Variants in NPSR1 observed in about 807,000 individuals in gnomAD.
NPSR1 encodes neuropeptide S receptor.
In NPSR1, 48 loss-of-function variants were observed where a neutral mutation model predicts 46.9. The observed-to-expected ratio is 1.02, with a 90% CI of 0.81 to 1.30. The LOEUF (loss-of-function observed/expected upper bound fraction) is 1.30, where lower values mean the gene tolerates loss of function less well. Ranked by LOEUF, NPSR1 falls within the 50% of genes most tolerant of loss-of-function variation. The pLI is 0.00. For missense variants in NPSR1, 450 were observed against 449.5 expected, an observed-to-expected ratio of 1.00 and a Z score of -0.01; for synonymous variants, 176 against 168.1, an observed-to-expected ratio of 1.05 and a Z score of -0.36.
rs765802310 is a variant in NPSR1 at position 34,778,450 on chromosome 7, C to T, written c.281-12C>T. 2.2e-5 allele frequency: 32 copies of T among 1,487,784 alleles called. No individual in the cohort carries two copies. The highest frequency in any genetic ancestry group is 1.0e-4 in the South Asian group (9 of 86,706). The allele number at this position is 1,487,784 out of a possible 1,614,324, so 92.2% of individuals were successfully genotyped here. On this transcript the variant is annotated splice_polypyrimidine_tract_variant and intron_variant, in intron 2 of 8. Transcript: ENST00000360581. ...TAAACCCTGAATGTAAGCACTTGTA[C>T]GTTTTTGTTAGATTCTTTCACAGGA...
At chr7:34,773,448 G>A (rs1786784917) in intron 2 of NPSR1, among the ~76,000 whole-genome samples, 1 of 152,048 alleles carries the variant, frequency 6.6e-6, no homozygotes, top group Admixed American at 6.6e-5. Context: ...TAATCTAAAA[G>A]CCCCCAGATA....
chr7:34,678,911 GAAGT>G (rs1475217499), intron 1 of NPSR1, among the ~76,000 whole-genome samples: 1 of 151,780 alleles, frequency 6.6e-6, no homozygotes, highest in African/African-American at 2.4e-5. Flanking sequence ...CCCGAAAAGA[GAAGT>G]ATGTTATACT....
intron 1 of NPSR1, among the ~76,000 whole-genome samples, chr7:34,663,067 C>CTCTCTCTCTCTCTCTCTGTGTGTGTG (rs35826710): frequency 8.0e-5 from 8 of 99,412 alleles, no homozygotes; most frequent in South Asian, 6.1e-4. Context: ...CTCTCTCTCT[C>CTCTCTCTCTCTCTCTCTGTGTGTGTG]TGTGTGTGTG....
intron 3 of NPSR1, among the ~76,000 whole-genome samples, chr7:34,788,517 T>C (rs933155433): frequency 2.0e-5 from 3 of 152,190 alleles, no homozygotes; most frequent in African/African-American, 4.8e-5. Flanking sequence ...GTTGCTACAT[T>C]TACATCACAT....
At chr7:34,825,030 C>G in intron 4 of NPSR1, among the ~76,000 whole-genome samples, 1 of 152,172 alleles carries the variant, frequency 6.6e-6, no homozygotes, top group South Asian at 2.1e-4. Flanking sequence ...TGGGAGGCTC[C>G]CTCCACCTCC....
At chr7:34,818,595 G>C (rs1789376257) in intron 4 of NPSR1, among the ~76,000 whole-genome samples, 1 of 152,170 alleles carries the variant, frequency 6.6e-6, no homozygotes, top group Non-Finnish European at 1.5e-5. Context: ...AGCCATAAAA[G>C]AGCCTGCATT....
intron 4 of NPSR1, among the ~76,000 whole-genome samples, chr7:34,814,748 C>T (rs1351647748): frequency 6.6e-6 from 1 of 152,210 alleles, no homozygotes. Flanking sequence ...TGTTCACAGC[C>T]TCTGCTAGTG....
intron 8 of NPSR1, among the ~76,000 whole-genome samples, chr7:34,866,418 G>C (rs1791316630): frequency 6.6e-6 from 1 of 151,808 alleles, no homozygotes; most frequent in South Asian, 2.1e-4. Context: ...ATAGCGGAGG[G>C]ACAGGAGGCA....
At position 34,734,345 on chromosome 7, in the gene NPSR1, C is replaced by T. The variant is rs144851622; in HGVS notation, c.281-44117C>T. Among the ~76,000 whole-genome samples the T allele has an allele frequency of 3.0e-3, 459 of 152,216 alleles. 1 individual carries two copies. The highest frequency in any genetic ancestry group is 0.011 in the African/African-American group (438 of 41,540). ...GAATGCTACTCTAAACCAAACAAGGCAATAAATGTGGATACATTCAAAAAG... is the reference window on the plus strand; with the variant it reads ...GAATGCTACTCTAAACCAAACAAGGTAATAAATGTGGATACATTCAAAAAG... On this transcript the variant is annotated intron_variant, in intron 2 of 8. Coordinates refer to ENST00000360581, the MANE Select transcript of NPSR1 (RefSeq NM_207172.2).
At chr7:34,688,643 A>C (rs763320393) in intron 2 of NPSR1, among the ~76,000 whole-genome samples, 2 of 152,022 alleles carry the variant, frequency 1.3e-5, no homozygotes, top group African/African-American at 2.4e-5. Context: ...CTCCCATGCA[A>C]AGACCTTGTG....
At chr7:34,767,795 A>G (rs949357259) in intron 2 of NPSR1, among the ~76,000 whole-genome samples, 46 of 152,294 alleles carry the variant, frequency 3.0e-4, no homozygotes, top group African/African-American at 1.1e-3. Context: ...AAATTTTAAA[A>G]AGCTAGCTAT....
At chr7:34,842,280 T>C (rs1364040067) in intron 6 of NPSR1, among the ~76,000 whole-genome samples, 1 of 152,238 alleles carries the variant, frequency 6.6e-6, no homozygotes, top group Non-Finnish European at 1.5e-5. Context: ...AGACGGAGGA[T>C]GCATTCCAGT....
chr7:34,709,146 T>C (rs1000476551), intron 2 of NPSR1, among the ~76,000 whole-genome samples: 2 of 152,104 alleles, frequency 1.3e-5, no homozygotes, highest in Non-Finnish European at 2.9e-5. Flanking sequence ...CAAAACACTT[T>C]TGAGAATTTG....
intron 2 of NPSR1, among the ~76,000 whole-genome samples, chr7:34,709,066 G>T (rs72552328): frequency 6.6e-6 from 1 of 152,158 alleles, no homozygotes; most frequent in Non-Finnish European, 1.5e-5. Flanking sequence ...GAGGGAAAAA[G>T]GAATAAGGAG....
intron 1 of NPSR1, among the ~76,000 whole-genome samples, chr7:34,663,415 T>A (rs1791574150): frequency 6.6e-6 from 1 of 152,076 alleles, no homozygotes; most frequent in African/African-American, 2.4e-5. Flanking sequence ...AAATGGAGCA[T>A]CTCTGGCCCT....
rs1176960076 is a variant in NPSR1, at chr7:34,791,106, A to C, written c.384+12541A>C. Among the ~76,000 whole-genome samples the C allele has an allele frequency of 3.3e-5, 3 of 92,082 alleles. No individual in the cohort carries two copies. The East Asian group carries it at 9.3e-4, about 29-fold the overall frequency. The allele number at this position is 92,082 out of a possible 152,430, so 60.4% of individuals were successfully genotyped here. Reference sequence around the variant, plus strand: ...ATATGTTATATATATTATATATAATATGTTATATAATATAATATATATGTT... The same window carrying C: ...ATATGTTATATATATTATATATAATCTGTTATATAATATAATATATATGTT... On this transcript the variant is annotated intron_variant, in intron 3 of 8. Transcript: ENST00000360581.
intron 4 of NPSR1, among the ~76,000 whole-genome samples, chr7:34,826,906 AG>A (rs1789882994): frequency 6.6e-6 from 1 of 151,848 alleles, no homozygotes; most frequent in South Asian, 2.1e-4. Flanking sequence ...AAAAAAAGAA[AG>A]AAGTTTCCTT....
chr7:34,784,707 G>A (rs961018621), intron 3 of NPSR1, among the ~76,000 whole-genome samples: 5 of 152,126 alleles, frequency 3.3e-5, no homozygotes, highest in African/African-American at 1.2e-4. Flanking sequence ...CATAAAATGA[G>A]TTAGGGAGGA....
chr7:34,762,494 C>T (rs991861741), intron 2 of NPSR1, among the ~76,000 whole-genome samples: 3 of 152,190 alleles, frequency 2.0e-5, no homozygotes, highest in Admixed American at 6.5e-5. Context: ...AAGTTTCACA[C>T]AAGTTCTTCA....
Sources: gnomAD v4.1 joint callset for allele counts (sites outside exome capture counted in the v4.1 genomes callset) on GRCh38, gnomAD v4.1.1 for gene constraint, MANE v1.5 for transcripts, NCBI Gene and HGNC (gene_info 2026-07-23, HGNC 2026-07-21) for gene names.